ZNF429: variants seen among roughly 807,000 people sequenced by gnomAD.
ZNF429 encodes zinc finger protein 429.
A neutral mutation model predicts 56.8 loss-of-function variants in ZNF429; 53 were observed. The observed-to-expected ratio is 0.93, with a 90% CI of 0.75 to 1.17. The LOEUF (loss-of-function observed/expected upper bound fraction) is 1.17. Among genes scored for constraint, ZNF429 ranks in the 50% most tolerant of loss-of-function variants. ZNF429 has a pLI of 0.00. For missense variants in ZNF429, 849 were observed against 788.4 expected (o/e 1.08, Z -0.92); for synonymous variants, 278 against 264.7 (o/e 1.05, Z -0.49).
intron 1 of ZNF429, among the ~76,000 whole-genome samples, chr19:21,507,907 G>T (rs773437925): frequency 6.6e-6 from 1 of 152,126 alleles, no homozygotes; most frequent in Non-Finnish European, 1.5e-5. Context: ...CTGGTATTGA[G>T]TTGAAAACAA....
chr19:21,510,158 C>T (rs2032382692), intron 1 of ZNF429, among the ~76,000 whole-genome samples: 1 of 152,006 alleles, frequency 6.6e-6, no homozygotes, highest in Non-Finnish European at 1.5e-5. Flanking sequence ...ATGACAAGGG[C>T]TTTCTTTCAT....
rs564273418 is a variant in ZNF429 at position 21,510,150 on chromosome 19, G to A, written c.3+4376G>A. On this transcript the variant is annotated intron_variant, in intron 1 of 3. Transcript: ENST00000358491. ...TCTCGAAGTCCTTACCTCAGGTGAT[G>A]ACAAGGGCTTTCTTTCATAGGGGTG... Among the ~76,000 whole-genome samples, 17 of 152,150 alleles carry A rather than the reference G, an allele frequency of 1.1e-4. No individual in the cohort carries two copies. In the East Asian group the frequency reaches 2.1e-3, roughly 19 times the overall value.
Position 21,536,960 on chromosome 19 carries a change from C to T in ZNF429, c.907C>T (p.His303Tyr), listed in dbSNP as rs749675440. The T allele has an allele frequency of 1.8e-5, 29 of 1,613,748 alleles. No homozygotes were observed. The highest frequency in any genetic ancestry group is 4.0e-5 in the African/African-American group (3 of 74,896). ...TAGCATATCCTCAACCTTTACTAAA[C>T]ATAAGATAATTCATACTGAAGAGAA... ...TFSISSTFTK[H>Y]KIIHTEEKPY... The change falls in exon 4 of 4, where the codon CAT (histidine) becomes TAT (tyrosine). Residue 303 changes from histidine (H) to tyrosine (Y), a missense_variant. Transcript: ENST00000358491.
chr19:21,520,705 A>G lies in ZNF429; in HGVS notation c.4-8953A>G, dbSNP rs529054076. ...AAATACTAAGTTCCTTTGAGAGAAA[A>G]CTGATTATCCAGGGTAATTATCTGA... On this transcript the variant is annotated intron_variant, in intron 1 of 3. Transcript: ENST00000358491. Among the ~76,000 whole-genome samples the G allele has an allele frequency of 2.4e-4, 37 of 152,352 alleles. 1 individual carries two copies. In the South Asian group the frequency reaches 7.4e-3, roughly 31 times the overall value.
chr19:21,525,600 G>A (rs113461604), intron 1 of ZNF429, among the ~76,000 whole-genome samples: 21 of 143,912 alleles, frequency 1.5e-4, no homozygotes, highest in African/African-American at 3.2e-4. Context: ...CTCTGATTTC[G>A]TGAAACTCAA....
chr19:21,538,073 G>C lies in ZNF429; in HGVS notation c.2020G>C (p.Gly674Arg), dbSNP rs1371382180. 8.0e-7 allele frequency: 1 copy of C among 1,244,236 alleles called. No individual in the cohort carries two copies. The highest frequency in any genetic ancestry group is 1.1e-6 in the Non-Finnish European group (1 of 875,212). The allele number at this position is 1,244,236 out of a possible 1,614,324, so 77.1% of individuals were successfully genotyped here. The change falls in exon 4 of 4, where the codon GGC (glycine) becomes CGC (arginine). Residue 674 changes from glycine to arginine, a missense_variant. Physicochemically the swap from Gly to Arg is moderately radical, Grantham distance 125. Coordinates refer to ENST00000358491, the MANE Select transcript of ZNF429 (RefSeq NM_001001415.4). Reference sequence around the variant, plus strand: ...GAGGTCAGGAGATCGAGACCGTCCTGGCTAACATGGTGAAACCCCGTCTCT... The same window carrying C: ...GAGGTCAGGAGATCGAGACCGTCCTCGCTAACATGGTGAAACCCCGTCTCT... ...ITRSGDRDRPG is the reference protein window; with the variant it reads ...ITRSGDRDRPR
chr19:21,529,769 A>G lies in ZNF429; in HGVS notation c.115A>G (p.Asn39Asp). ...YRNVMLENYR[N>D]LVFLGIAVSK... is the part of the protein sequence containing the mutation. ...AAATGTGATGTTAGAGAACTACAGA[A>G]ACTTGGTCTTCCTGGGTGAGAATAA... Residue 39 changes from asparagine to aspartate, a missense_variant, in exon 2 of 4, where the codon AAC becomes GAC. Physicochemically the swap from Asn to Asp is conservative, Grantham distance 23 (BLOSUM62 1). Transcript: ENST00000358491. 6.3e-7 allele frequency: 1 copy of G among 1,586,040 alleles called. No individual in the cohort carries two copies. The highest frequency in any genetic ancestry group is 8.6e-7 in the Non-Finnish European group (1 of 1,165,942).
intron 1 of ZNF429, among the ~76,000 whole-genome samples, chr19:21,526,580 G>A (rs1249321419): frequency 2.6e-5 from 4 of 152,130 alleles, no homozygotes; most frequent in African/African-American, 7.2e-5. Context: ...ACACAATTAC[G>A]TCTTTCCTCT....
chr19:21,508,293 C>T (rs911898120), intron 1 of ZNF429, among the ~76,000 whole-genome samples: 15 of 151,984 alleles, frequency 9.9e-5, no homozygotes, highest in African/African-American at 2.7e-4. Flanking sequence ...ACCCTGACCC[C>T]GGTGAGATGA....
chr19:21,513,881 C>G (rs1432725199), intron 1 of ZNF429, among the ~76,000 whole-genome samples: 1 of 152,192 alleles, frequency 6.6e-6, no homozygotes, highest in African/African-American at 2.4e-5. Context: ...ATTGACATGT[C>G]CACATCCCTC....
At chr19:21,506,334 T>A (rs1455184024) in intron 1 of ZNF429, among the ~76,000 whole-genome samples, 1 of 151,584 alleles carries the variant, frequency 6.6e-6, no homozygotes, top group Non-Finnish European at 1.5e-5. Flanking sequence ...GGCAGGCATC[T>A]GTAATCCCAG....
At position 21,505,659 on chromosome 19, in the gene ZNF429, T is replaced by G. The variant is rs1005789236; in HGVS notation, c.-113T>G. On this transcript the variant is annotated 5_prime_UTR_variant, in exon 1 of 4. Transcript: ENST00000358491. ...CTTGCTGCAGCCAGAGCTCCAGGTC[T>G]CGTCTTCATTTCTGTGTCCTTTGTT... is the stretch of plus-strand genomic sequence containing the variant. 8.5e-7 allele frequency: 1 copy of G among 1,183,036 alleles called. No homozygotes were observed. The highest frequency in any genetic ancestry group is 1.2e-6 in the Non-Finnish European group (1 of 839,772). 73.3% of individuals were successfully genotyped at this position (1,183,036 alleles called of 1,614,324 possible).
At chr19:21,508,002 C>T (rs2032262434) in intron 1 of ZNF429, among the ~76,000 whole-genome samples, 3 of 152,120 alleles carry the variant, frequency 2.0e-5, no homozygotes, top group African/African-American at 7.2e-5. Flanking sequence ...CCTGTAATCC[C>T]AGCACTTTGG....
Position 21,530,922 on chromosome 19 carries a change from A to G in ZNF429, c.226+238A>G. Among the ~76,000 whole-genome samples, 11 of 151,914 alleles carry G rather than the reference A, an allele frequency of 7.2e-5. 1 individual carries two copies. Among genetic ancestry groups the G allele is most frequent in the African/African-American group, 2.2e-4 (9 of 41,348 alleles). On this transcript the variant is annotated intron_variant, in intron 3 of 3. Transcript: ENST00000358491. ...GGCATTTGAGACCAGCCTGGCCAAC[A>G]TCATGAAACTGCATCTCTACTAACA...
chr19:21,517,902 A>T lies in ZNF429; in HGVS notation c.4-11756A>T, dbSNP rs951002235. Among the ~76,000 whole-genome samples, 9 of 148,828 alleles carry T rather than the reference A, an allele frequency of 6.0e-5. 1 individual carries two copies. Among genetic ancestry groups the T allele is most frequent in the African/African-American group, 2.2e-4 (9 of 40,226 alleles). On this transcript the variant is annotated intron_variant, in intron 1 of 3. Transcript: ENST00000358491. ...TCCGTCTCCCAGGTTCACGCCATTC[A>T]CCTGCCTCTGCCTCCTGAGTAGATG...
chr19:21,507,347 A>G (rs989736703), intron 1 of ZNF429, among the ~76,000 whole-genome samples: 4 of 152,212 alleles, frequency 2.6e-5, no homozygotes, highest in Non-Finnish European at 4.4e-5. Flanking sequence ...CCTTTAGTGT[A>G]CATTTTTGAT....
In ZNF429 at chr19:21,506,760, G is replaced by GTTTTTTTTT. The variant is rs539545648; in HGVS notation, c.3+992_3+993insTTTTTTTTT. On this transcript the variant is annotated intron_variant, in intron 1 of 3. Transcript: ENST00000358491. ...TACAAAAAAAAAAGCATTTGAGTTA[G>GTTTTTTTTT]TTTTTTGTTTTTTTTTTTTTTTTTT... 1.9e-3 allele frequency among the ~76,000 whole-genome samples: 224 copies of GTTTTTTTTT among 119,582 alleles called. 10 individuals are homozygous for GTTTTTTTTT. The highest frequency in any genetic ancestry group is 2.3e-3 in the Non-Finnish European group (133 of 58,076). 78.5% of individuals were successfully genotyped at this position (119,582 alleles called of 152,430 possible). A position where few individuals can be genotyped will look rare whatever the true frequency, so the allele number is the denominator to read the frequency against.
At chr19:21,517,266 C>T (rs536299757) in intron 1 of ZNF429, among the ~76,000 whole-genome samples, 7 of 152,002 alleles carry the variant, frequency 4.6e-5, no homozygotes, top group African/African-American at 1.7e-4. Flanking sequence ...GTTGAACCCA[C>T]CTTGCATCCC....
At chr19:21,533,476 G>C in intron 3 of ZNF429, among the ~76,000 whole-genome samples, 1 of 150,910 alleles carries the variant, frequency 6.6e-6, no homozygotes, top group Non-Finnish European at 1.5e-5. Context: ...TTTCTTTCTT[G>C]CTCATACATT....
Sources: gnomAD v4.1 joint callset for allele counts (sites outside exome capture counted in the v4.1 genomes callset) on GRCh38, gnomAD v4.1.1 for gene constraint, MANE v1.5 for transcripts, NCBI Gene and HGNC (gene_info 2026-07-23, HGNC 2026-07-21) for gene names.